Variants in GRM1 observed in about 807,000 individuals in gnomAD.
GRM1 encodes metabotropic glutamate receptor 1.
Under a neutral mutation model 90.9 loss-of-function variants are expected in GRM1, and 33 were observed. The observed-to-expected ratio is 0.36, with a 90% CI of 0.28 to 0.49. GRM1 has a LOEUF of 0.49. Among genes scored for constraint, GRM1 ranks in the 20% least tolerant of loss-of-function variants. The pLI is 0.99. For synonymous variants in GRM1, 700 were observed against 613.2 expected, an observed-to-expected ratio of 1.14 and a Z score of -2.09; for missense variants, 1,190 against 1,534.3, an observed-to-expected ratio of 0.78 and a Z score of 3.75.
At chr6:146,159,916 T>TAAAAAAAAAAAAAAAAAAA (rs566531460) in intron 2 of GRM1, 2 of 66,334 alleles carry the variant, frequency 3.0e-5, no homozygotes, top group African/African-American at 4.3e-5. Flanking sequence ...ACCTTAACTA[T>TAAAAAAAAAAAAAAAAAAA]AAAAAAAAAA....
At chr6:146,267,741 GTCTCGTCTCGTCTCGTCTCT>G (rs1781971855) in intron 2 of GRM1, among the ~76,000 whole-genome samples, 2 of 146,632 alleles carry the variant, frequency 1.4e-5, no homozygotes, top group East Asian at 3.9e-4. Context: ...GTCTCGTCTC[GTCTCGTCTCGTCTCGTCTCT>G]TCATGTTTTT....
At chr6:146,139,609 G>T (rs1776758728) in intron 1 of GRM1, among the ~76,000 whole-genome samples, 1 of 151,874 alleles carries the variant, frequency 6.6e-6, no homozygotes, top group South Asian at 2.1e-4. Flanking sequence ...AATCTATTTT[G>T]TCCAATATAT....
At chr6:146,358,696 T>C (rs887803930) in intron 5 of GRM1, among the ~76,000 whole-genome samples, 2 of 152,182 alleles carry the variant, frequency 1.3e-5, no homozygotes, top group Admixed American at 6.5e-5. Context: ...TCCAGTCATA[T>C]AATGCTAAGT....
In GRM1 at chr6:146,030,201, T is replaced by A. The variant is rs763027569; in HGVS notation, c.684T>A (p.Ser228=). 5 of 1,611,232 alleles carry A rather than the reference T, an allele frequency of 3.1e-6. No individual in the cohort carries two copies. Among genetic ancestry groups the A allele is most frequent in the Non-Finnish European group, 4.2e-6 (5 of 1,177,386 alleles). ...AACGTTACAATTGGACCTATGTCTC[T>A]GCAGTCCACACGGAAGGTAGGCATT... ...IVKRYNWTYV[S]AVHTEGNYGE... Residue 228 remains serine, a synonymous_variant, in exon 1 of 8, where the codon TCT becomes TCA. Coordinates refer to ENST00000282753, the MANE Select transcript of GRM1 (RefSeq NM_001278064.2).
intron 1 of GRM1, among the ~76,000 whole-genome samples, chr6:146,112,962 T>C (rs1775616167): frequency 6.6e-6 from 1 of 152,226 alleles, no homozygotes; most frequent in Non-Finnish European, 1.5e-5. Context: ...GGTAAAACTT[T>C]AATAAGTTAA....
At chr6:146,400,576 A>G (rs1214566452) in intron 7 of GRM1, among the ~76,000 whole-genome samples, 1 of 152,020 alleles carries the variant, frequency 6.6e-6, no homozygotes, top group Non-Finnish European at 1.5e-5. Flanking sequence ...TCCTTTTTCT[A>G]TTTTGAGAAG....
At position 146,310,969 on chromosome 6, in the gene GRM1, T is replaced by C. The variant is rs540307211; in HGVS notation, c.1186+6123T>C. Among the ~76,000 whole-genome samples, 16 of 152,344 alleles carry C rather than the reference T, an allele frequency of 1.1e-4. No individual in the cohort carries two copies. The South Asian group carries it at 2.9e-3, about 28-fold the overall frequency. ...CACTAAGCCCTGGGATGGTTTGTTATGCGGCTTTTTTGGGGCAATTGATAA... is the reference window on the plus strand; with the variant it reads ...CACTAAGCCCTGGGATGGTTTGTTACGCGGCTTTTTTGGGGCAATTGATAA... On this transcript the variant is annotated intron_variant, in intron 3 of 7. Coordinates refer to ENST00000282753, the MANE Select transcript of GRM1 (RefSeq NM_001278064.2).
intron 3 of GRM1, among the ~76,000 whole-genome samples, chr6:146,344,900 G>A (rs184127760): frequency 2.6e-5 from 4 of 151,752 alleles, no homozygotes; most frequent in South Asian, 4.2e-4. Flanking sequence ...CAGCCTCCAC[G>A]TCCCAGGTTC....
intron 2 of GRM1, among the ~76,000 whole-genome samples, chr6:146,197,167 G>T (rs1038757395): frequency 6.6e-6 from 1 of 152,202 alleles, no homozygotes; most frequent in African/African-American, 2.4e-5. Flanking sequence ...GGAACCAGGA[G>T]AGTCTAACTG....
chr6:146,195,622 G>A (rs939166297), intron 2 of GRM1, among the ~76,000 whole-genome samples: 1 of 152,202 alleles, frequency 6.6e-6, no homozygotes, highest in African/African-American at 2.4e-5. Context: ...TGCCCCAGAT[G>A]CAAACTAAAT....
chr6:146,043,581 T>C (rs1180016638), intron 1 of GRM1, among the ~76,000 whole-genome samples: 2 of 151,634 alleles, frequency 1.3e-5, no homozygotes, highest in African/African-American at 4.8e-5. Context: ...TGTTTCATCT[T>C]AATTGGTAAT....
At chr6:146,115,622 C>T (rs1045858916) in intron 1 of GRM1, among the ~76,000 whole-genome samples, 1 of 152,072 alleles carries the variant, frequency 6.6e-6, no homozygotes, top group Middle Eastern at 3.4e-3. Flanking sequence ...TTTTTAATAC[C>T]GTCTTCCCAT....
chr6:146,045,213 A>G (rs1477760105), intron 1 of GRM1, among the ~76,000 whole-genome samples: 1 of 152,040 alleles, frequency 6.6e-6, no homozygotes, highest in Non-Finnish European at 1.5e-5. Flanking sequence ...AATTTAAAAA[A>G]TTATAGAAAA....
At chr6:146,267,212 A>G (rs1302798671) in intron 2 of GRM1, among the ~76,000 whole-genome samples, 3 of 152,208 alleles carry the variant, frequency 2.0e-5, no homozygotes, top group Admixed American at 1.3e-4. Context: ...TGCAAAGGCC[A>G]TGATCTCATT....
At chr6:146,241,579 C>A (rs925705932) in intron 2 of GRM1, among the ~76,000 whole-genome samples, 28 of 152,128 alleles carry the variant, frequency 1.8e-4, no homozygotes, top group Non-Finnish European at 3.7e-4. Context: ...CTCCACTCTT[C>A]CCTGGCAATT....
chr6:146,029,274 C>G lies in GRM1; in HGVS notation c.-244C>G, dbSNP rs1451599742. The G allele has an allele frequency of 1.8e-6, 1 of 563,786 alleles. No homozygotes were observed. Among genetic ancestry groups the G allele is most frequent in the African/African-American group, 1.9e-5 (1 of 53,068 alleles). 34.9% of individuals were successfully genotyped at this position (563,786 alleles called of 1,614,324 possible). On this transcript the variant is annotated 5_prime_UTR_variant, in exon 1 of 8. Coordinates refer to ENST00000282753, the MANE Select transcript of GRM1 (RefSeq NM_001278064.2). ...ACCTTGATGCACTACCGGTGAAGAA[C>G]GGGGACTCGAATTCCCTTACAAACG...
Position 146,236,280 on chromosome 6 carries a change from G to A in GRM1, c.951-68331G>A, listed in dbSNP as rs541476518. 2.6e-5 allele frequency among the ~76,000 whole-genome samples: 4 copies of A among 152,282 alleles called. No individual in the cohort carries two copies. In the South Asian group the frequency reaches 8.3e-4, roughly 32 times the overall value. ...CATTTCAAGTACTGAATAGCCACATGTGGTTTGTGACTATAATATTGGACC... is the reference window on the plus strand; with the variant it reads ...CATTTCAAGTACTGAATAGCCACATATGGTTTGTGACTATAATATTGGACC... On this transcript the variant is annotated intron_variant, in intron 2 of 7. Coordinates refer to ENST00000282753, the MANE Select transcript of GRM1 (RefSeq NM_001278064.2).
At chr6:146,105,021 GT>G (rs1777179964) in intron 1 of GRM1, among the ~76,000 whole-genome samples, 1 of 152,156 alleles carries the variant, frequency 6.6e-6, no homozygotes, top group African/African-American at 2.4e-5. Context: ...CTTGACCTGA[GT>G]GATTTTTTAT....
At chr6:146,219,406 C>A (rs1263419826) in intron 2 of GRM1, among the ~76,000 whole-genome samples, 1 of 151,816 alleles carries the variant, frequency 6.6e-6, no homozygotes, top group Non-Finnish European at 1.5e-5. Flanking sequence ...AAGAGAGTAG[C>A]GCTGAAAAAT....
Sources: allele counts gnomAD v4.1 joint callset (sites outside exome capture counted in the v4.1 genomes callset), GRCh38; gene constraint gnomAD v4.1.1; transcripts MANE v1.5; gene names NCBI Gene and HGNC (gene_info 2026-07-23, HGNC 2026-07-21).